Variants in STK33 observed in about 807,000 individuals in gnomAD.
The protein encoded by STK33 is serine/threonine-protein kinase 33.
STK33 carries 52 observed loss-of-function variants against 58.0 expected under a neutral mutation model. That is an observed-to-expected ratio of 0.90 (90% CI 0.72 to 1.13). The LOEUF is 1.13. Among genes scored for constraint, STK33 ranks in the 50% most tolerant of loss-of-function variants. The pLI is 0.00. For synonymous variants in STK33, 215 were observed against 200.1 expected, an observed-to-expected ratio of 1.07 and a Z score of -0.63; for missense variants, 630 against 604.2, an observed-to-expected ratio of 1.04 and a Z score of -0.45.
chr11:8,423,985 GTA>G (rs1361191699), intron 14 of STK33, among the ~76,000 whole-genome samples: 1 of 151,486 alleles, frequency 6.6e-6, no homozygotes, highest in Non-Finnish European at 1.5e-5. Flanking sequence ...TTGTGTTAAG[GTA>G]TATATATATT....
At chr11:8,559,372 G>A (rs1324360674) in intron 1 of STK33, among the ~76,000 whole-genome samples, 1 of 152,136 alleles carries the variant, frequency 6.6e-6, no homozygotes, top group Non-Finnish European at 1.5e-5. Flanking sequence ...TTGGTGGCAT[G>A]ACAATCATGT....
At chr11:8,436,970 T>G (rs957478799) in intron 12 of STK33, among the ~76,000 whole-genome samples, 3 of 152,214 alleles carry the variant, frequency 2.0e-5, no homozygotes, top group Non-Finnish European at 2.9e-5. Flanking sequence ...AGTGCTGGGA[T>G]TACAGGCATG....
At chr11:8,440,884 A>C (rs1218556937) in intron 11 of STK33, 131 bp from the exon 12 acceptor site, 3 of 854,062 alleles carry the variant, frequency 3.5e-6, no homozygotes, top group Non-Finnish European at 3.6e-6. Flanking sequence ...AACCAACAGC[A>C]GATCTTAAAT....
intron 1 of STK33, among the ~76,000 whole-genome samples, chr11:8,503,757 T>G (rs1033529774): frequency 1.3e-5 from 2 of 152,128 alleles, no homozygotes; most frequent in Admixed American, 6.6e-5. Context: ...CCCTTCTTCA[T>G]TTCTCCCAGT....
intron 1 of STK33, among the ~76,000 whole-genome samples, chr11:8,500,187 G>C (rs60645722): frequency 0.015 from 2,304 of 152,048 alleles, 51 homozygotes; most frequent in African/African-American, 0.051. Context: ...TTGTACTGGA[G>C]GTCCTACACT....
the STK33 span, among the ~76,000 whole-genome samples, chr11:8,369,592 C>T: frequency 6.6e-6 from 1 of 152,098 alleles, no homozygotes; most frequent in African/African-American, 2.4e-5. Flanking sequence ...CTCCCACCTC[C>T]TCTCCTCCTC....
intron 1 of STK33, among the ~76,000 whole-genome samples, chr11:8,509,945 A>C (rs1364715718): frequency 6.6e-6 from 1 of 152,152 alleles, no homozygotes; most frequent in Non-Finnish European, 1.5e-5. Flanking sequence ...TTTGCAATTA[A>C]GAATTATGCT....
At chr11:8,380,453 A>C in the STK33 span, among the ~76,000 whole-genome samples, 1 of 151,930 alleles carries the variant, frequency 6.6e-6, no homozygotes, top group Non-Finnish European at 1.5e-5. Context: ...CCAGCTACTC[A>C]GGAGGCTGAG....
At chr11:8,378,388 C>CGG in the STK33 span, among the ~76,000 whole-genome samples, 1 of 151,910 alleles carries the variant, frequency 6.6e-6, no homozygotes, top group Non-Finnish European at 1.5e-5. Context: ...CATGGTGGTG[C>CGG]ATGCCTGTAA....
At chr11:8,335,578 T>C in the STK33 span, among the ~76,000 whole-genome samples, 1 of 152,188 alleles carries the variant, frequency 6.6e-6, no homozygotes, top group Non-Finnish European at 1.5e-5. Context: ...TCTCATAACA[T>C]AGACGCCTCA....
chr11:8,587,086 T>C (rs148888056), intron 1 of STK33, among the ~76,000 whole-genome samples: 2 of 152,226 alleles, frequency 1.3e-5, no homozygotes, highest in Non-Finnish European at 2.9e-5. Flanking sequence ...TGATGCACAG[T>C]AGGTGATCAA....
At chr11:8,360,032 C>T in the STK33 span, among the ~76,000 whole-genome samples, 1 of 152,230 alleles carries the variant, frequency 6.6e-6, no homozygotes, top group African/African-American at 2.4e-5. Context: ...GCCTTGGCCT[C>T]CAGGGCTCAC....
intron 1 of STK33, among the ~76,000 whole-genome samples, chr11:8,568,204 C>T (rs1223061453): frequency 6.6e-6 from 1 of 152,126 alleles, no homozygotes; most frequent in Non-Finnish European, 1.5e-5. Context: ...TCCTGAAGTA[C>T]CCAAATTCAT....
At position 8,502,567 on chromosome 11, in the gene STK33, A is replaced by G. The variant is rs146790918; in HGVS notation, c.-465-21953T>C. On this transcript the variant is annotated intron_variant, in intron 1 of 15. Transcript: ENST00000687296. ...AGGCAATACCATTCTATACATAGGA[A>G]CTGGCAAAGATTTCATGATAAAGAT... Among the ~76,000 whole-genome samples the G allele has an allele frequency of 2.2e-3, 330 of 152,284 alleles. 1 individual carries two copies. Among genetic ancestry groups the G allele is most frequent in the African/African-American group, 7.5e-3 (312 of 41,566 alleles).
At chr11:8,592,292 CAATT>C (rs2032739913) in intron 1 of STK33, among the ~76,000 whole-genome samples, 1 of 152,096 alleles carries the variant, frequency 6.6e-6, no homozygotes, top group Non-Finnish European at 1.5e-5. Context: ...AAAAATCAAA[CAATT>C]AAACAACTGG....
At chr11:8,389,843 C>T (rs1935686365), downstream of STK33, among the ~76,000 whole-genome samples, 2 of 152,148 alleles carry the variant, frequency 1.3e-5, no homozygotes, top group Non-Finnish European at 2.9e-5. Flanking sequence ...AACTTTGTGG[C>T]TGACTCTTAA....
intron 6 of STK33, 93 bp downstream of exon 6, chr11:8,473,070 C>T (rs1312380877): frequency 1.2e-5 from 9 of 744,914 alleles, no homozygotes; most frequent in African/African-American, 5.4e-5. Context: ...ACTTCCTTTC[C>T]TTAGAGATTT....
chr11:8,523,901 A>G (rs567115293), intron 1 of STK33, among the ~76,000 whole-genome samples: 17 of 152,378 alleles, frequency 1.1e-4, no homozygotes, highest in Admixed American at 3.3e-4. Context: ...GGAAAAAGAA[A>G]GAGATCGGAT....
At chr11:8,507,753 T>C (rs1373528729) in intron 1 of STK33, among the ~76,000 whole-genome samples, 1 of 152,152 alleles carries the variant, frequency 6.6e-6, no homozygotes, top group Non-Finnish European at 1.5e-5. Flanking sequence ...AATATAATAA[T>C]TCCACAAGCA....
Sources: gnomAD v4.1 joint callset for allele counts (sites outside exome capture counted in the v4.1 genomes callset) on GRCh38, gnomAD v4.1.1 for gene constraint, MANE v1.5 for transcripts, NCBI Gene and HGNC (gene_info 2026-07-23, HGNC 2026-07-21) for gene names.